CENPP: variants seen among roughly 807,000 people sequenced by gnomAD.
The protein encoded by CENPP is centromere protein P.
Under a neutral mutation model 35.6 loss-of-function variants are expected in CENPP, and 24 were observed. The observed-to-expected ratio is 0.67, with a 90% CI of 0.49 to 0.95. CENPP has a LOEUF of 0.95. CENPP is among the 40% of genes least tolerant of loss of function. CENPP has a pLI of 0.00. For synonymous variants in CENPP, 120 were observed against 125.5 expected (o/e 0.96, Z 0.29); for missense variants, 332 against 345.3 (o/e 0.96, Z 0.31).
chr9:92,559,692 G>A (rs1404103576), intron 5 of CENPP, among the ~76,000 whole-genome samples: 1 of 151,840 alleles, frequency 6.6e-6, no homozygotes, highest in Admixed American at 6.6e-5. Flanking sequence ...ATAGAGATGG[G>A]GTCTCACTAT....
chr9:92,571,676 G>A (rs1452096173), intron 5 of CENPP, among the ~76,000 whole-genome samples: 1 of 152,116 alleles, frequency 6.6e-6, no homozygotes, highest in Non-Finnish European at 1.5e-5. Flanking sequence ...TGTTGATAGT[G>A]GGGTGTTAAA....
Position 92,569,362 on chromosome 9 carries a change from G to C in CENPP, c.565-41952G>C, listed in dbSNP as rs377206286. ...AATCCTTTCCCCATTTCTTGTTTTTGTCAGGTTTGTCAAAGATCAGATGGT... is the reference window on the plus strand; with the variant it reads ...AATCCTTTCCCCATTTCTTGTTTTTCTCAGGTTTGTCAAAGATCAGATGGT... On this transcript the variant is annotated intron_variant, in intron 5 of 7. Coordinates refer to ENST00000375587, the MANE Select transcript of CENPP (RefSeq NM_001012267.3). Among the ~76,000 whole-genome samples the C allele has an allele frequency of 3.0e-4, 45 of 152,142 alleles. No homozygotes were observed. The South Asian group carries it at 7.3e-3, about 25-fold the overall frequency.
chr9:92,532,015 G>GTTTTTTTTTATTTATTTTTTTT (rs1848800192), intron 5 of CENPP, among the ~76,000 whole-genome samples: 1 of 95,736 alleles, frequency 1.0e-5, no homozygotes, highest in Non-Finnish European at 1.9e-5. Flanking sequence ...TTTATTTAAT[G>GTTTTTTTTTATTTATTTTTTTT]TTTTTTTTTT....
chr9:92,573,338 G>T (rs930286139), intron 5 of CENPP, among the ~76,000 whole-genome samples: 1 of 152,212 alleles, frequency 6.6e-6, no homozygotes, highest in Non-Finnish European at 1.5e-5. Flanking sequence ...CTCAGCTGCA[G>T]GTCTGTTGGA....
intron 5 of CENPP, among the ~76,000 whole-genome samples, chr9:92,506,742 G>C (rs189057451): frequency 1.3e-5 from 2 of 152,256 alleles, no homozygotes; most frequent in African/African-American, 4.8e-5. Flanking sequence ...AGAAGTAGGA[G>C]GAACTTCCAA....
At chr9:92,441,023 G>A (rs188084244) in intron 5 of CENPP, among the ~76,000 whole-genome samples, 18 of 152,268 alleles carry the variant, frequency 1.2e-4, no homozygotes, top group Admixed American at 7.8e-4. Context: ...AATCATCACC[G>A]AACTTCGTAA....
chr9:92,382,416 G>A (rs932146859), intron 5 of CENPP, among the ~76,000 whole-genome samples: 2 of 151,884 alleles, frequency 1.3e-5, no homozygotes, highest in South Asian at 2.1e-4. Flanking sequence ...ATATATTATC[G>A]TTAATTATAG....
At chr9:92,462,658 G>C (rs938940033) in intron 5 of CENPP, among the ~76,000 whole-genome samples, 1 of 152,078 alleles carries the variant, frequency 6.6e-6, no homozygotes, top group Non-Finnish European at 1.5e-5. Flanking sequence ...TTTGATAACA[G>C]AATCTATTTT....
intron 5 of CENPP, among the ~76,000 whole-genome samples, chr9:92,591,674 T>A (rs1014336415): frequency 3.3e-5 from 5 of 152,100 alleles, no homozygotes; most frequent in Non-Finnish European, 7.3e-5. Flanking sequence ...GTTTCATTTA[T>A]GGTCACTGTT....
At chr9:92,385,430 G>A (rs887555173) in intron 5 of CENPP, 53 of 514,504 alleles carry the variant, frequency 1.0e-4, no homozygotes, top group African/African-American at 7.2e-4. Flanking sequence ...ACTTTGTTTC[G>A]AACGTAGACA....
intron 5 of CENPP, chr9:92,403,662 T>A: frequency 6.3e-6 from 7 of 1,102,636 alleles, no homozygotes; most frequent in Non-Finnish European, 7.8e-6. Flanking sequence ...ATAGTTTTAC[T>A]TCTCTATCAG....
chr9:92,470,062 C>G (rs192011995), intron 5 of CENPP, among the ~76,000 whole-genome samples: 1 of 152,250 alleles, frequency 6.6e-6, no homozygotes, highest in East Asian at 1.9e-4. Context: ...CTCTTGGGCT[C>G]AAGTGATCCG....
At chr9:92,349,557 C>T (rs1359514879) in intron 4 of CENPP, among the ~76,000 whole-genome samples, 1 of 152,004 alleles carries the variant, frequency 6.6e-6, no homozygotes, top group African/African-American at 2.4e-5. Flanking sequence ...GCACGCACCA[C>T]CACACCCAGC....
At position 92,614,584 on chromosome 9, in the gene CENPP, CAA is replaced by C. The variant is rs1425851373; in HGVS notation, c.*1436_*1437del. The C allele has an allele frequency of 1.3e-5, 2 of 152,626 alleles. No individual in the cohort carries two copies. Among genetic ancestry groups the C allele is most frequent in the South Asian group, 4.1e-4 (2 of 4,834 alleles). The allele number at this position is 152,626 out of a possible 1,614,324, so 9.5% of individuals were successfully genotyped here. ...CCTTGATTCAAACAAGTATAATTCT[CAA>C]GTTATCACAAAATTTCCCACAAAAA... On this transcript the variant is annotated 3_prime_UTR_variant, in exon 8 of 8. Coordinates refer to ENST00000375587, the MANE Select transcript of CENPP (RefSeq NM_001012267.3).
chr9:92,387,339 G>A (rs951277610), intron 5 of CENPP, among the ~76,000 whole-genome samples: 2 of 150,810 alleles, frequency 1.3e-5, no homozygotes, highest in Non-Finnish European at 2.9e-5. Context: ...TTGTGCCACT[G>A]CACTCCAGCC....
intron 5 of CENPP, among the ~76,000 whole-genome samples, chr9:92,570,757 T>C (rs1850115819): frequency 6.6e-6 from 1 of 152,096 alleles, no homozygotes; most frequent in Middle Eastern, 3.4e-3. Context: ...AATTTCAGAG[T>C]CTGTTATTGG....
chr9:92,339,561 GAA>G (rs1490520354), intron 3 of CENPP: 1 of 152,240 alleles, frequency 6.6e-6, no homozygotes, highest in East Asian at 1.9e-4. Flanking sequence ...AAGTGACCAA[GAA>G]AAGGTGTAGT....
chr9:92,560,528 G>A (rs906323162), intron 5 of CENPP, among the ~76,000 whole-genome samples: 11 of 152,152 alleles, frequency 7.2e-5, no homozygotes, highest in Non-Finnish European at 4.4e-5. Flanking sequence ...GTCCAGGTTG[G>A]GTCACAGTGG....
At chr9:92,517,891 A>C (rs143684239) in intron 5 of CENPP, 1 of 1,613,170 alleles carries the variant, frequency 6.2e-7, no homozygotes, top group Admixed American at 1.7e-5. Context: ...AGAAAACAAA[A>C]GCACAAATTT....
Sources: gnomAD v4.1 joint callset for allele counts (sites outside exome capture counted in the v4.1 genomes callset) on GRCh38, gnomAD v4.1.1 for gene constraint, MANE v1.5 for transcripts, NCBI Gene and HGNC (gene_info 2026-07-23, HGNC 2026-07-21) for gene names.